OCIAD1: variants seen among roughly 807,000 people sequenced by gnomAD.
OCIAD1 encodes the protein OCIA domain containing 1.
OCIAD1 carries 29 observed loss-of-function variants against 38.9 expected under a neutral mutation model. The observed-to-expected ratio is 0.74, with a 90% confidence interval of 0.55 to 1.02. OCIAD1 has a LOEUF of 1.02. Ranked by LOEUF, OCIAD1 falls within the 50% of genes least tolerant of loss-of-function variation. OCIAD1 has a pLI of 0.00. For missense variants in OCIAD1, 288 were observed against 289.6 expected (o/e 0.99, Z 0.04); for synonymous variants, 110 against 92.0 (o/e 1.20, Z -1.12).
At chr4:48,858,939 A>G (rs1780346670) in intron 8 of OCIAD1, among the ~76,000 whole-genome samples, 1 of 152,190 alleles carries the variant, frequency 6.6e-6, no homozygotes. Flanking sequence ...TTTTATAGCT[A>G]TTTCAGTATA....
intron 1 of OCIAD1, among the ~76,000 whole-genome samples, chr4:48,820,994 G>A (rs776647008): frequency 2.6e-5 from 4 of 152,018 alleles, no homozygotes; most frequent in Admixed American, 6.6e-5. Flanking sequence ...GGTACCATTC[G>A]TTCTGAAACT....
chr4:48,807,827 G>A (rs911352307), intron 1 of OCIAD1, among the ~76,000 whole-genome samples: 5 of 152,184 alleles, frequency 3.3e-5, no homozygotes, highest in African/African-American at 7.2e-5. Context: ...TGCTTCAAAC[G>A]TGGGTGTTTC....
chr4:48,806,731 G>A (rs1411832540), intron 1 of OCIAD1, among the ~76,000 whole-genome samples: 3 of 151,942 alleles, frequency 2.0e-5, no homozygotes, highest in Admixed American at 6.6e-5. Context: ...TCAGCCTCCC[G>A]AGTACCTGGG....
intron 2 of OCIAD1, among the ~76,000 whole-genome samples, chr4:48,833,133 C>T (rs1016370393): frequency 2.4e-4 from 36 of 152,146 alleles, no homozygotes; most frequent in African/African-American, 8.4e-4. Context: ...TGCCTGTAAT[C>T]CCAGCTACTC....
rs1285240877 is a variant in OCIAD1 at position 48,818,993 on chromosome 4, A to G, written c.-102-11584A>G. Among the ~76,000 whole-genome samples the G allele has an allele frequency of 2.6e-5, 4 of 152,202 alleles. No individual in the cohort carries two copies. In the East Asian group the frequency reaches 5.8e-4, roughly 22 times the overall value. ...TAGGGAGAATGGAACCAAGTTGAAG[A>G]ATACACTTCAGGGTATTATCCACAA... On this transcript the variant is annotated intron_variant, in intron 1 of 6. Coordinates refer to the OCIAD1 transcript ENST00000504654.
chr4:48,828,594 C>A (rs917106279), upstream of OCIAD1, among the ~76,000 whole-genome samples: 3 of 152,164 alleles, frequency 2.0e-5, no homozygotes, highest in Non-Finnish European at 2.9e-5. Flanking sequence ...GCCAGTGAGA[C>A]CATGAACCCA....
intron 1 of OCIAD1, among the ~76,000 whole-genome samples, chr4:48,818,377 A>G (rs1036553500): frequency 6.6e-5 from 10 of 152,198 alleles, no homozygotes; most frequent in Non-Finnish European, 1.2e-4. Context: ...CACAACATCA[A>G]CATCAGCATA....
intron 3 of OCIAD1, among the ~76,000 whole-genome samples, chr4:48,838,070 C>A (rs758225469): frequency 4.6e-5 from 7 of 152,130 alleles, no homozygotes; most frequent in Admixed American, 6.6e-5. Context: ...GTAATCCCAG[C>A]ACTTTGGGAG....
At chr4:48,835,757 C>T (rs1354971274) in intron 3 of OCIAD1, among the ~76,000 whole-genome samples, 1 of 152,096 alleles carries the variant, frequency 6.6e-6, no homozygotes, top group African/African-American at 2.4e-5. Flanking sequence ...GTGGTTGAGG[C>T]AGGAGGATCG....
intron 3 of OCIAD1, among the ~76,000 whole-genome samples, chr4:48,834,050 A>G (rs1244631908): frequency 1.3e-5 from 2 of 152,214 alleles, no homozygotes; most frequent in Non-Finnish European, 2.9e-5. Flanking sequence ...TATTTTTTAA[A>G]TACAGAGATT....
At chr4:48,846,896 T>C (rs899458425) in intron 4 of OCIAD1, among the ~76,000 whole-genome samples, 4 of 152,224 alleles carry the variant, frequency 2.6e-5, no homozygotes, top group Non-Finnish European at 4.4e-5. Context: ...TTCCTCTGTG[T>C]GAATACACCA....
At chr4:48,853,953 T>C (rs1779764554) in intron 7 of OCIAD1, among the ~76,000 whole-genome samples, 1 of 152,184 alleles carries the variant, frequency 6.6e-6, no homozygotes, top group South Asian at 2.1e-4. Flanking sequence ...ATTTTTTTAT[T>C]TTTTTCTTTA....
intron 4 of OCIAD1, among the ~76,000 whole-genome samples, chr4:48,845,158 A>AGGGG (rs1778871680): frequency 6.6e-6 from 1 of 152,118 alleles, no homozygotes; most frequent in South Asian, 2.1e-4. Flanking sequence ...AAAAAGAAAA[A>AGGGG]AAAATCCTCC....
chr4:48,835,120 G>T (rs924677137), intron 3 of OCIAD1, among the ~76,000 whole-genome samples: 1 of 152,078 alleles, frequency 6.6e-6, no homozygotes, highest in Non-Finnish European at 1.5e-5. Flanking sequence ...TTTCAGTAGA[G>T]ACTGGGTTTC....
In OCIAD1 at chr4:48,857,389, C is replaced by G. The variant is rs150526630; in HGVS notation, c.700+24C>G. On this transcript the variant is annotated intron_variant, in intron 8 of 8. Coordinates refer to ENST00000264312, the MANE Select transcript of OCIAD1 (RefSeq NM_017830.4). ...AGGTATGATAGTTTAGTCTGAATCACTTTACTGTTGAGGATTGGAAACTAA... is the reference window on the plus strand; with the variant it reads ...AGGTATGATAGTTTAGTCTGAATCAGTTTACTGTTGAGGATTGGAAACTAA... The G allele has an allele frequency of 3.7e-4, 536 of 1,466,060 alleles. 2 individuals carry two copies. In the African/African-American group the frequency reaches 7.3e-3, roughly 20 times the overall value. The allele number at this position is 1,466,060 out of a possible 1,614,324, so 90.8% of individuals were successfully genotyped here.
chr4:48,840,845 A>AG (rs1778454327), intron 3 of OCIAD1, among the ~76,000 whole-genome samples: 1 of 151,512 alleles, frequency 6.6e-6, no homozygotes, highest in African/African-American at 2.4e-5. Context: ...AAAAAAAAAA[A>AG]AAAAAAGAAA....
rs1282483982 is a variant in OCIAD1, at chr4:48,850,041, A to T, written c.336A>T (p.Glu112Asp). 2 of 1,613,560 alleles carry T rather than the reference A, an allele frequency of 1.2e-6. No homozygotes were observed. Among genetic ancestry groups the T allele is most frequent in the Non-Finnish European group, 1.7e-6 (2 of 1,179,876 alleles). ...FKKLENSPLG[E>D]ALRSGQARRS... ...AACTTGAAAATTCCCCCCTTGGAGA[A>T]GCTTTACGATCAGGACAAGCACGAC... The change falls in exon 6 of 9, where the codon GAA becomes GAT. Residue 112 changes from glutamate (E) to aspartate (D), a missense_variant. Glu to Asp is a conservative substitution (Grantham distance 45). Coordinates refer to ENST00000264312, the MANE Select transcript of OCIAD1 (RefSeq NM_017830.4).
chr4:48,830,242 G>C (rs189899331), upstream of OCIAD1, among the ~76,000 whole-genome samples: 1 of 152,138 alleles, frequency 6.6e-6, no homozygotes, highest in African/African-American at 2.4e-5. Context: ...CGTTGGATTC[G>C]TTTCACGTGA....
At chr4:48,844,005 C>G (rs1172433156) in intron 4 of OCIAD1, among the ~76,000 whole-genome samples, 1 of 152,088 alleles carries the variant, frequency 6.6e-6, no homozygotes, top group Non-Finnish European at 1.5e-5. Context: ...AGTAGAGACT[C>G]TAAGAGTTGT....
Sources: gnomAD v4.1 joint callset for allele counts (sites outside exome capture counted in the v4.1 genomes callset) on GRCh38, gnomAD v4.1.1 for gene constraint, MANE v1.5 for transcripts, NCBI Gene and HGNC (gene_info 2026-07-23, HGNC 2026-07-21) for gene names.